RBAK: variants seen among roughly 807,000 people sequenced by gnomAD.
The protein encoded by RBAK is RB-associated KRAB zinc finger protein.
Under a neutral mutation model 65.8 loss-of-function variants are expected in RBAK, and 39 were observed. The observed-to-expected ratio is 0.59, with a 90% CI of 0.46 to 0.77. The LOEUF (loss-of-function observed/expected upper bound fraction) is 0.77. Ranked by LOEUF, RBAK falls within the 30% of genes least tolerant of loss-of-function variation. The pLI, the probability that RBAK is intolerant of heterozygous loss-of-function variation, is 0.00. For missense variants in RBAK, 884 were observed against 855.1 expected (o/e 1.03, Z -0.42); for synonymous variants, 343 against 289.7 (o/e 1.18, Z -1.87).
In RBAK at chr7:5,061,635, T is replaced by C. The variant is rs1052904303; in HGVS notation, c.239-2060T>C. On this transcript the variant is annotated intron_variant, in intron 4 of 4. Transcript: ENST00000396912. ...TTCCCTGGCCGGCCACGGTGGCTCG[T>C]GTTTGTAATCCCAGCACTTTGGGAG... 1.0e-3 allele frequency among the ~76,000 whole-genome samples: 152 copies of C among 150,344 alleles called. 1 individual carries two copies. Among genetic ancestry groups the C allele is most frequent in the African/African-American group, 3.4e-3 (141 of 41,084 alleles).
Position 5,046,070 on chromosome 7 carries a change from C to T in RBAK, c.-371C>T. The T allele has an allele frequency of 3.5e-6, 1 of 283,072 alleles. No homozygotes were observed. Among genetic ancestry groups the T allele is most frequent in the South Asian group, 2.8e-5 (1 of 35,506 alleles). The allele number at this position is 283,072 out of a possible 1,614,324, so 17.5% of individuals were successfully genotyped here. The stretch of plus-strand genomic sequence containing the variant: ...CCCCGAGCTTGAGCCCCGGAGCCGG[C>T]GGCGCTGGGGCCAGAGGGGCCGGAC... On this transcript the variant is annotated 5_prime_UTR_variant, in exon 1 of 5. Transcript: ENST00000396912.
Position 5,057,305 on chromosome 7 carries a change from C to G in RBAK, c.26C>G (p.Ser9Ter). 6.2e-7 allele frequency: 1 copy of G among 1,613,966 alleles called. No individual in the cohort carries two copies. The highest frequency in any genetic ancestry group is 8.5e-7 in the Non-Finnish European group (1 of 1,179,994). MNTLQGPV[S>*]FKDVAVDFTQ... ...ATGTTGCCATTACAGGGGCCAGTGT[C>G]ATTCAAAGATGTGGCTGTGGATTTC... The change falls in exon 3 of 5, where the codon TCA becomes TGA. Residue 9 changes from serine (S) to a stop codon, truncating the protein, a stop_gained. Transcript: ENST00000396912. LOFTEE classifies it high-confidence loss of function.
At position 5,067,482 on chromosome 7, in the gene RBAK, G is replaced by T. The variant is rs1779248824; in HGVS notation, c.*1881G>T. 1 of 152,178 alleles carries T rather than the reference G, an allele frequency of 6.6e-6. No homozygotes were observed. The highest frequency in any genetic ancestry group is 2.4e-5 in the African/African-American group (1 of 41,460). The allele number at this position is 152,178 out of a possible 1,614,324, so 9.4% of individuals were successfully genotyped here. A position where few individuals can be genotyped will look rare whatever the true frequency, so the allele number is the denominator to read the frequency against. On this transcript the variant is annotated 3_prime_UTR_variant, in exon 5 of 5. Coordinates refer to ENST00000396912, the MANE Select transcript of RBAK (RefSeq NM_021163.4). ...TCCAGAAAATAAAATTACAAAGGAG[G>T]AGAGGGATAGGATTCCAGGACAATC...
chr7:5,059,021 T>A (rs1377744309), intron 4 of RBAK, among the ~76,000 whole-genome samples: 1 of 152,224 alleles, frequency 6.6e-6, no homozygotes, highest in Non-Finnish European at 1.5e-5. Context: ...TGTCTGATGA[T>A]AAACTGTGCA....
Position 5,046,098 on chromosome 7 carries a change from G to C in RBAK, c.-343G>C, listed in dbSNP as rs1317540523. On this transcript the variant is annotated 5_prime_UTR_variant, in exon 1 of 5. Coordinates refer to ENST00000396912, the MANE Select transcript of RBAK (RefSeq NM_021163.4). ...CGCTGGGGCCAGAGGGGCCGGACGG[G>C]AGGTGGCGGAGGTGGCGGCGGAGGC... 1 of 313,254 alleles carries C rather than the reference G, an allele frequency of 3.2e-6. No individual in the cohort carries two copies. The highest frequency in any genetic ancestry group is 6.1e-6 in the Non-Finnish European group (1 of 165,032). The allele number at this position is 313,254 out of a possible 1,614,324, so 19.4% of individuals were successfully genotyped here.
Position 5,063,866 on chromosome 7 carries a change from G to A in RBAK, c.410G>A (p.Cys137Tyr). ...LVPSSIIAHN[C>Y]VSCGKNLESI... Reference sequence around the variant, plus strand: ...CCTTCAAGCATAATAGCTCATAATTGTGTCTCATGTGGAAAGAATTTAGAA... The same window carrying A: ...CCTTCAAGCATAATAGCTCATAATTATGTCTCATGTGGAAAGAATTTAGAA... The change falls in exon 5 of 5, where the codon TGT becomes TAT. Residue 137 changes from cysteine to tyrosine, a missense_variant. By Grantham distance (194) the Cys-to-Tyr change is radical (BLOSUM62 -2). Transcript: ENST00000396912. 2 of 1,614,012 alleles carry A rather than the reference G, an allele frequency of 1.2e-6. No homozygotes were observed. The highest frequency in any genetic ancestry group is 1.7e-6 in the Non-Finnish European group (2 of 1,179,992).
At chr7:5,053,526 C>T (rs1260417998) in intron 2 of RBAK, among the ~76,000 whole-genome samples, 1 of 152,042 alleles carries the variant, frequency 6.6e-6, no homozygotes, top group East Asian at 1.9e-4. Context: ...ATGGTGTCAT[C>T]ACTTTGGGAA....
intron 4 of RBAK, among the ~76,000 whole-genome samples, chr7:5,060,694 C>G (rs1351394477): frequency 2.0e-5 from 3 of 152,204 alleles, no homozygotes; most frequent in Admixed American, 1.3e-4. Context: ...AAGGCATAGC[C>G]TAGGCTTCCA....
chr7:5,065,672 G>A lies in RBAK; in HGVS notation c.*71G>A, dbSNP rs146789116. The A allele has an allele frequency of 4.5e-5, 52 of 1,162,190 alleles. No individual in the cohort carries two copies. The highest frequency in any genetic ancestry group is 4.4e-4 in the African/African-American group (28 of 64,232). The allele number at this position is 1,162,190 out of a possible 1,614,324, so 72.0% of individuals were successfully genotyped here. On this transcript the variant is annotated 3_prime_UTR_variant, in exon 5 of 5. Coordinates refer to ENST00000396912, the MANE Select transcript of RBAK (RefSeq NM_021163.4). This position sits in a 1 kb window ranked among gnomAD's most constrained non-coding sequence, Gnocchi z 5.3. Reference sequence around the variant, plus strand: ...GGGGAATCCAATAGGAAGTCAAAGCGTTTATCTGAGAGTTCGTGTTCCTGA... The same window carrying A: ...GGGGAATCCAATAGGAAGTCAAAGCATTTATCTGAGAGTTCGTGTTCCTGA...
Position 5,067,992 on chromosome 7 carries a change from C to T in RBAK, c.*2391C>T, listed in dbSNP as rs562431600. The T allele has an allele frequency of 6.6e-6, 1 of 152,068 alleles. No individual in the cohort carries two copies. Among genetic ancestry groups the T allele is most frequent in the East Asian group, 1.9e-4 (1 of 5,184 alleles). 9.4% of individuals were successfully genotyped at this position (152,068 alleles called of 1,614,324 possible). A position where few individuals can be genotyped will look rare whatever the true frequency, so the allele number is the denominator to read the frequency against. ...TGGAGTAAGCAAAGGTTTATTGAGA[C>T]CCAAAAAGCATTAACCCATAAAATT... On this transcript the variant is annotated 3_prime_UTR_variant, in exon 5 of 5. Transcript: ENST00000396912.
chr7:5,060,603 A>G (rs1188195296), intron 4 of RBAK, among the ~76,000 whole-genome samples: 1 of 152,248 alleles, frequency 6.6e-6, no homozygotes, highest in Non-Finnish European at 1.5e-5. Context: ...CAAAGTATAG[A>G]TAGATTTTGA....
chr7:5,057,254 C>G, intron 2 of RBAK, 41 bp from the exon 3 acceptor site: 2 of 1,613,662 alleles, frequency 1.2e-6, no homozygotes, highest in Non-Finnish European at 1.7e-6. Context: ...CCCCCTATCC[C>G]TTTTCCGTAT....
intron 1 of RBAK, 93 bp from the exon 2 acceptor site, chr7:5,047,940 A>G (rs895752245): frequency 1.2e-4 from 74 of 614,822 alleles, no homozygotes; most frequent in Non-Finnish European, 1.1e-5. Flanking sequence ...GTGTTAGCCT[A>G]TTGAGCTTTC....
At position 5,048,180 on chromosome 7, in the gene RBAK, T is replaced by TTG; in HGVS notation, c.15+89_15+90insTG. 9 of 1,547,486 alleles carry TTG rather than the reference T, an allele frequency of 5.8e-6. No individual in the cohort carries two copies. The highest frequency in any genetic ancestry group is 1.2e-5 in the South Asian group (1 of 85,394). ...GTAAGGATTCTTACCTTTTTTTTTT[T>TTG]CTTTTTTTTTGAGATGGAGTCTTGC... On this transcript the variant is annotated intron_variant, in intron 2 of 4. Coordinates refer to ENST00000396912, the MANE Select transcript of RBAK (RefSeq NM_021163.4). This position sits in a 1 kb window ranked among gnomAD's most constrained non-coding sequence, Gnocchi z 4.4.
In RBAK at chr7:5,063,846, A is replaced by G; in HGVS notation, c.390A>G (p.Ser130=). 2 of 1,614,112 alleles carry G rather than the reference A, an allele frequency of 1.2e-6. No individual in the cohort carries two copies. Among genetic ancestry groups the G allele is most frequent in the Non-Finnish European group, 1.7e-6 (2 of 1,179,996 alleles). The change falls in exon 5 of 5, where the codon TCA becomes TCG. Residue 130 remains serine, a synonymous_variant. Coordinates refer to ENST00000396912, the MANE Select transcript of RBAK (RefSeq NM_021163.4). ...ACATGGAAACAAGCCTTGTTCCTTC[A>G]AGCATAATAGCTCATAATTGTGTCT... ...QIYMETSLVP[S]SIIAHNCVSC...
rs1283487121 is a variant in RBAK at position 5,064,734 on chromosome 7, G to A, written c.1278G>A (p.Glu426=). The A allele has an allele frequency of 6.2e-7, 1 of 1,614,104 alleles. No homozygotes were observed. Among genetic ancestry groups the A allele is most frequent in the Non-Finnish European group, 8.5e-7 (1 of 1,179,956 alleles). Residue 426 remains glutamate (E), a synonymous_variant, in exon 5 of 5, where the codon GAG becomes GAA. Transcript: ENST00000396912. This position sits in a 1 kb window ranked among gnomAD's most constrained non-coding sequence, Gnocchi z 6.3. ...CACATCAGAGAACACACACGGGAGA[G>A]AAGCCCTATCAGTGTAGCGAGTGTG... The part of the protein sequence containing the change: ...LITHQRTHTG[E]KPYQCSECGK...
chr7:5,049,809 A>C (rs1191973976), intron 2 of RBAK, among the ~76,000 whole-genome samples: 1 of 151,884 alleles, frequency 6.6e-6, no homozygotes, highest in Non-Finnish European at 1.5e-5. Flanking sequence ...CTGCAACCTC[A>C]GTCTCCTGGG....
rs745853477 is a variant in RBAK, at chr7:5,065,003, G to A, written c.1547G>A (p.Cys516Tyr). Reference protein sequence around the residue: ...LEEKPYECNECGKTFLVNSAF... With the variant: ...LEEKPYECNEYGKTFLVNSAF... ...GAGAAACCCTATGAATGTAATGAATGTGGGAAAACCTTCCTTGTAAATTCA... is the reference window on the plus strand; with the variant it reads ...GAGAAACCCTATGAATGTAATGAATATGGGAAAACCTTCCTTGTAAATTCA... Residue 516 changes from cysteine to tyrosine, a missense_variant, in exon 5 of 5, where the codon TGT becomes TAT. Cys to Tyr is a radical substitution (Grantham distance 194). Transcript: ENST00000396912. The surrounding 1 kb of genome is among the most constrained non-coding windows in gnomAD (Gnocchi z 5.3). The A allele has an allele frequency of 6.2e-6, 10 of 1,614,066 alleles. No individual in the cohort carries two copies. The South Asian group carries it at 7.7e-5, about 12-fold the overall frequency.
Position 5,065,822 on chromosome 7 carries a change from T to C in RBAK, c.*221T>C, listed in dbSNP as rs1261561640. Reference sequence around the variant, plus strand: ...ATACGACTCATCGGACACTAATTTATATAGGAGTGAAGTTTTATAAATATT... The same window carrying C: ...ATACGACTCATCGGACACTAATTTACATAGGAGTGAAGTTTTATAAATATT... On this transcript the variant is annotated 3_prime_UTR_variant, in exon 5 of 5. Coordinates refer to ENST00000396912, the MANE Select transcript of RBAK (RefSeq NM_021163.4). This position sits in a 1 kb window ranked among gnomAD's most constrained non-coding sequence, Gnocchi z 5.3. 1 of 359,518 alleles carries C rather than the reference T, an allele frequency of 2.8e-6. No individual in the cohort carries two copies. The highest frequency in any genetic ancestry group is 4.9e-6 in the Non-Finnish European group (1 of 202,132). 22.3% of individuals were successfully genotyped at this position (359,518 alleles called of 1,614,324 possible). A position where few individuals can be genotyped will look rare whatever the true frequency, so the allele number is the denominator to read the frequency against.
Sources: gnomAD v4.1 joint callset for allele counts (sites outside exome capture counted in the v4.1 genomes callset) on GRCh38, gnomAD v4.1.1 for gene constraint, Gnocchi (gnomAD v3.1) non-coding constraint, MANE v1.5 for transcripts, NCBI Gene and HGNC (gene_info 2026-07-23, HGNC 2026-07-21) for gene names.